ASH1L: variants seen among roughly 807,000 people sequenced by gnomAD.
The protein encoded by ASH1L is histone-lysine N-methyltransferase ASH1L.
ASH1L carries 23 observed loss-of-function variants against 269.0 expected under a neutral mutation model. The observed-to-expected ratio is 0.09, with a 90% CI of 0.06 to 0.12. ASH1L has a LOEUF of 0.12. Among genes scored for constraint, ASH1L ranks in the 10% least tolerant of loss-of-function variants. The pLI is 1.00. For missense variants in ASH1L, 2,912 were observed against 3,567.8 expected (o/e 0.82, Z 4.68); for synonymous variants, 1,187 against 1,253.5 (o/e 0.95, Z 1.12).
At chr1:155,539,337 A>C (rs1670268138) in intron 1 of ASH1L, among the ~76,000 whole-genome samples, 1 of 152,072 alleles carries the variant, frequency 6.6e-6, no homozygotes, top group Admixed American at 6.6e-5. Context: ...TTGTCCAAAA[A>C]AACCAACAAT....
chr1:155,352,845 G>C lies in ASH1L; in HGVS notation c.7227C>G (p.Thr2409=). 1 of 1,600,304 alleles carries C rather than the reference G, an allele frequency of 6.2e-7. No homozygotes were observed. Among genetic ancestry groups the C allele is most frequent in the South Asian group, 1.1e-5 (1 of 88,108 alleles). Residue 2409 remains threonine (T), a synonymous_variant, in exon 17 of 28, where the codon ACC becomes ACG. Coordinates refer to ENST00000392403, the MANE Select transcript of ASH1L (RefSeq NM_018489.3). ...GAGCTGTCTGCAGGGCAGAGAACTGGGTCATGAAGACATCTGGAAAAATAA... is the reference window on the plus strand; with the variant it reads ...GAGCTGTCTGCAGGGCAGAGAACTGCGTCATGAAGACATCTGGAAAAATAA... ...DGNIKSDVFM[T]QFSALQTARS...
At chr1:155,451,519 G>A (rs1345752018) in intron 4 of ASH1L, among the ~76,000 whole-genome samples, 3 of 151,956 alleles carry the variant, frequency 2.0e-5, no homozygotes, top group African/African-American at 7.2e-5. Flanking sequence ...CAGCACTTTG[G>A]GAGGCCAAGG....
chr1:155,519,730 C>T (rs1668748031), intron 2 of ASH1L, among the ~76,000 whole-genome samples: 1 of 152,078 alleles, frequency 6.6e-6, no homozygotes, highest in Non-Finnish European at 1.5e-5. Context: ...GCAACCTGAG[C>T]TCACTGCAAC....
chr1:155,417,001 G>A (rs1363173471), intron 5 of ASH1L, among the ~76,000 whole-genome samples: 15 of 143,918 alleles, frequency 1.0e-4, no homozygotes, highest in African/African-American at 3.1e-4. Flanking sequence ...GTGTGATCTC[G>A]GCTCACTGCA....
intron 2 of ASH1L, among the ~76,000 whole-genome samples, chr1:155,505,645 G>A (rs996546491): frequency 1.7e-4 from 26 of 151,976 alleles, no homozygotes; most frequent in African/African-American, 5.3e-4. Context: ...TAATGGTTTC[G>A]TAACTCTGTA....
At chr1:155,425,810 T>G (rs1262429976) in intron 5 of ASH1L, among the ~76,000 whole-genome samples, 1 of 151,866 alleles carries the variant, frequency 6.6e-6, no homozygotes, top group Non-Finnish European at 1.5e-5. Context: ...ACTCCTGACC[T>G]CAGGTGATCC....
chr1:155,434,733 C>T (rs928033044), intron 5 of ASH1L, among the ~76,000 whole-genome samples: 5 of 151,738 alleles, frequency 3.3e-5, no homozygotes, highest in Admixed American at 2.0e-4. Flanking sequence ...TGGTGGTGTG[C>T]GCCTGTAATC....
In ASH1L at chr1:155,481,551, CAAG is replaced by C; in HGVS notation, c.1316_1318del (p.Ser439del). ...TTCCTGATTATTGATGTTTGTACTA[CAAG>C]AAGCCTTAAGCGGTTCCTGAGTGGG... On this transcript the variant is annotated inframe_deletion, in exon 3 of 28. Transcript: ENST00000392403. 1 of 1,614,116 alleles carries C rather than the reference CAAG, an allele frequency of 6.2e-7. No individual in the cohort carries two copies. The highest frequency in any genetic ancestry group is 8.5e-7 in the Non-Finnish European group (1 of 1,179,988).
At chr1:155,514,765 C>A (rs1485264419) in intron 2 of ASH1L, among the ~76,000 whole-genome samples, 4 of 152,186 alleles carry the variant, frequency 2.6e-5, no homozygotes, top group Admixed American at 2.0e-4. Context: ...ATAAGAAGCA[C>A]AGTGGCTGGC....
At chr1:155,341,814 C>T in intron 25 of ASH1L, 122 bp downstream of exon 25, 3 of 977,420 alleles carry the variant, frequency 3.1e-6, no homozygotes, top group East Asian at 2.4e-5. Context: ...CAGAGATATC[C>T]ATAGTTTGGG....
chr1:155,485,463 G>T (rs112073766), intron 2 of ASH1L, among the ~76,000 whole-genome samples: 243 of 152,258 alleles, frequency 1.6e-3, no homozygotes, highest in African/African-American at 5.7e-3. Flanking sequence ...TGGGCTAACA[G>T]GCACAAGCCA....
intron 2 of ASH1L, among the ~76,000 whole-genome samples, chr1:155,508,870 CAGTGGGTA>C (rs1667985300): frequency 6.6e-6 from 1 of 152,064 alleles, no homozygotes; most frequent in African/African-American, 2.4e-5. Context: ...CACAATAATA[CAGTGGGTA>C]AGTGCATCAA....
At chr1:155,396,988 G>C (rs1163102188) in intron 6 of ASH1L, 1 of 151,010 alleles carries the variant, frequency 6.6e-6, no homozygotes, top group Non-Finnish European at 1.5e-5. Context: ...AGCTGGGTGT[G>C]GTAGTGCATG....
intron 1 of ASH1L, among the ~76,000 whole-genome samples, chr1:155,538,640 C>T (rs372773151): frequency 9.7e-6 from 1 of 103,538 alleles, no homozygotes; most frequent in African/African-American, 3.0e-5. Context: ...CTGTACCCAG[C>T]CTTTTTTTTT....
chr1:155,409,752 C>G (rs1475168335), intron 6 of ASH1L, among the ~76,000 whole-genome samples: 1 of 152,130 alleles, frequency 6.6e-6, no homozygotes, highest in Admixed American at 6.6e-5. Flanking sequence ...AGGCATAAGC[C>G]ATCTTTCCCA....
chr1:155,498,599 G>A (rs966614591), intron 2 of ASH1L, among the ~76,000 whole-genome samples: 1 of 151,932 alleles, frequency 6.6e-6, no homozygotes, highest in Non-Finnish European at 1.5e-5. Flanking sequence ...GTGCCACCAC[G>A]CCTGGCTAAT....
intron 3 of ASH1L, among the ~76,000 whole-genome samples, chr1:155,466,356 AAAAAC>A (rs373247653): frequency 0.02 from 3,074 of 152,124 alleles, 99 homozygotes; most frequent in African/African-American, 0.071. Flanking sequence ...CCCGTCTCAA[AAAAAC>A]AAAACAAAAC....
chr1:155,442,416 C>G (rs1046141642), intron 4 of ASH1L, among the ~76,000 whole-genome samples: 3 of 151,826 alleles, frequency 2.0e-5, no homozygotes, highest in African/African-American at 7.3e-5. Context: ...AGCCCCGTCT[C>G]TACTAAAAAT....
chr1:155,543,509 CAAAAAAAAAAA>C lies in ASH1L; in HGVS notation c.-100+18633_-100+18643del, dbSNP rs34813767. Among the ~76,000 whole-genome samples, 10 of 57,438 alleles carry C rather than the reference CAAAAAAAAAAA, an allele frequency of 1.7e-4. 1 individual carries two copies. The East Asian group carries it at 4.4e-3, about 25-fold the overall frequency. The allele number at this position is 57,438 out of a possible 152,430, so 37.7% of individuals were successfully genotyped here. A position where few individuals can be genotyped will look rare whatever the true frequency, so the allele number is the denominator to read the frequency against. ...TGCATCACAGAGTGAGACTCTGTCT[CAAAAAAAAAAA>C]AAAAAAAAAAAGATTTCAGTATGAC... is the stretch of plus-strand genomic sequence containing the variant. On this transcript the variant is annotated intron_variant, in intron 1 of 27. Coordinates refer to ENST00000392403, the MANE Select transcript of ASH1L (RefSeq NM_018489.3).
Sources: gnomAD v4.1 joint callset for allele counts (sites outside exome capture counted in the v4.1 genomes callset) on GRCh38, gnomAD v4.1.1 for gene constraint, MANE v1.5 for transcripts, NCBI Gene and HGNC (gene_info 2026-07-23, HGNC 2026-07-21) for gene names.